The following CFAP46 variants were observed in gnomAD, a reference collection of about 807,000 sequenced individuals.
CFAP46 encodes cilia and flagella associated protein 46.
A neutral mutation model predicts 325.7 loss-of-function variants in CFAP46; 245 were observed. The observed-to-expected ratio is 0.75, with a 90% CI of 0.68 to 0.84. CFAP46 has a LOEUF of 0.84. CFAP46 is among the 40% of genes least tolerant of loss of function. The pLI is 0.00. For synonymous variants in CFAP46, 1,523 were observed against 1,495.9 expected (o/e 1.02, Z -0.42); for missense variants, 3,346 against 3,543.0 (o/e 0.94, Z 1.41).
chr10:132,823,778 G>A (rs1847954231), intron 50 of CFAP46, among the ~76,000 whole-genome samples: 1 of 121,020 alleles, frequency 8.3e-6, no homozygotes, highest in Non-Finnish European at 1.9e-5. Context: ...TGTGTGCTGT[G>A]TGTGCACTGA....
chr10:132,897,858 T>C (rs1457103053), intron 24 of CFAP46, among the ~76,000 whole-genome samples: 1 of 152,186 alleles, frequency 6.6e-6, no homozygotes, highest in Non-Finnish European at 1.5e-5. Flanking sequence ...TGGGGTGGGC[T>C]GGACAGCCCA....
intron 8 of CFAP46, among the ~76,000 whole-genome samples, chr10:132,933,036 C>G (rs970792502): frequency 4.6e-5 from 7 of 152,224 alleles, no homozygotes; most frequent in African/African-American, 1.7e-4. Context: ...CTGCTGTTTC[C>G]CGGGGAGTAA....
chr10:132,834,146 G>A (rs367740734), intron 48 of CFAP46, 23 bp from the exon 49 acceptor site: 101 of 1,611,148 alleles, frequency 6.3e-5, no homozygotes, highest in Admixed American at 1.0e-4. Context: ...TTATATATTC[G>A]GGTTTAAGAA....
Position 132,926,662 on chromosome 10 carries a change from G to C in CFAP46, c.971C>G (p.Pro324Arg). 1 of 1,535,306 alleles carries C rather than the reference G, an allele frequency of 6.5e-7. No homozygotes were observed. The highest frequency in any genetic ancestry group is 8.7e-7 in the Non-Finnish European group (1 of 1,146,076). Residue 324 changes from proline (P) to arginine (R), a missense_variant, in exon 10 of 58, where the codon CCT (proline) becomes CGT (arginine). By Grantham distance (103) the Pro-to-Arg change is moderately radical. Transcript: ENST00000368586. ...ACATTCCATTTCAATAAGCTTCCCA[G>C]GATCCTGCAGATATAAACAGTTTTT... ...SDLKKMESKD[P>R]GKLIEMECLE...
chr10:132,900,254 C>T (rs1849375329), intron 22 of CFAP46, among the ~76,000 whole-genome samples: 1 of 152,190 alleles, frequency 6.6e-6, no homozygotes, highest in African/African-American at 2.4e-5. Context: ...GAAGTCTGGC[C>T]CCAGAAGGTC....
chr10:132,867,051 C>T (rs941492102), intron 34 of CFAP46, among the ~76,000 whole-genome samples: 12 of 152,144 alleles, frequency 7.9e-5, no homozygotes, highest in South Asian at 2.1e-4. Flanking sequence ...CCAGGGCCCA[C>T]GGGAGGAGAA....
intron 22 of CFAP46, among the ~76,000 whole-genome samples, chr10:132,903,947 T>A: frequency 6.6e-6 from 1 of 152,218 alleles, no homozygotes; most frequent in South Asian, 2.1e-4. Flanking sequence ...ATAGCATAAA[T>A]GCGAAACTGA....
chr10:132,881,843 C>G (rs754276865), intron 27 of CFAP46, among the ~76,000 whole-genome samples: 71 of 152,266 alleles, frequency 4.7e-4, no homozygotes, highest in Non-Finnish European at 8.4e-4. Context: ...TCTCTGAGCG[C>G]TGGCCCATGC....
At chr10:132,810,666 C>T (rs1415728030) in intron 56 of CFAP46, 177 bp from the exon 57 acceptor site, 12 of 741,172 alleles carry the variant, frequency 1.6e-5, no homozygotes, top group Non-Finnish European at 2.9e-5. Flanking sequence ...TTGACGCCCA[C>T]CAGGCTCAGC....
rs377382382 is a variant in CFAP46 at position 132,889,873 on chromosome 10, G to T, written c.3304+2460C>A. On this transcript the variant is annotated intron_variant, in intron 25 of 57. Transcript: ENST00000368586. The surrounding 1 kb of genome is among the most constrained non-coding windows in gnomAD (Gnocchi z 6.0). ...TCCCGCCTGATTAAAGTATTGATGC[G>T]GCCTGGACGCTAAGCATTTAGCTGC... Among the ~76,000 whole-genome samples, 203 of 152,268 alleles carry T rather than the reference G, an allele frequency of 1.3e-3. 2 individuals are homozygous for T. The highest frequency in any genetic ancestry group is 4.7e-3 in the African/African-American group (194 of 41,556).
Position 132,866,315 on chromosome 10 carries a change from G to A in CFAP46, c.4744-144C>T, listed in dbSNP as rs950401293. 2.0e-5 allele frequency: 18 copies of A among 883,654 alleles called. No homozygotes were observed. In the African/African-American group the frequency reaches 2.6e-4, roughly 13 times the overall value. The allele number at this position is 883,654 out of a possible 1,614,324, so 54.7% of individuals were successfully genotyped here. On this transcript the variant is annotated intron_variant, in intron 34 of 57. Transcript: ENST00000368586. ...GGCTCCCTGCTGGCCTAGGCACCAT[G>A]GGCGCCTCGCAAGCTCCCCGTGTGC...
rs769287562 is a variant in CFAP46 at position 132,883,028 on chromosome 10, CAG to C, written c.3628-1998_3628-1997del. Among the ~76,000 whole-genome samples, 30 of 152,270 alleles carry C rather than the reference CAG, an allele frequency of 2.0e-4. 1 individual carries two copies. The highest frequency in any genetic ancestry group is 1.4e-3 in the East Asian group (7 of 5,180). ...TACAACCATAAAACTCAGAAGAAAACAGGGGAACCAACCTTCAAGACCTTGGG... is the reference window on the plus strand; with the variant it reads ...TACAACCATAAAACTCAGAAGAAAACGGGAACCAACCTTCAAGACCTTGGG... On this transcript the variant is annotated intron_variant, in intron 27 of 57. Transcript: ENST00000368586.
In CFAP46 at chr10:132,836,229, G is replaced by A. The variant is rs1418494045; in HGVS notation, c.6537-11C>T. On this transcript the variant is annotated splice_polypyrimidine_tract_variant and intron_variant, in intron 45 of 57. Transcript: ENST00000368586. ...CCGTACAGACGGGACCTGCTGGCAG[G>A]ACGTGGGCCAGGGTCGCAGGCAAGC... The A allele has an allele frequency of 2.5e-6, 4 of 1,611,068 alleles. No individual in the cohort carries two copies. Among genetic ancestry groups the A allele is most frequent in the Non-Finnish European group, 3.4e-6 (4 of 1,179,582 alleles).
Position 132,810,986 on chromosome 10 carries a change from C to T in CFAP46, c.7547G>A (p.Ser2516Asn), listed in dbSNP as rs759664203. ...CACGCTCTCCATGTGCCTCTTCAAG[C>T]TCTGGTAGGACCGCGCCAGGTCCAG... ...VLLDLARSYQ[S>N]LKRHMESVEH... Residue 2516 changes from serine to asparagine, a missense_variant, in exon 56 of 58, where the codon AGC becomes AAC. Coordinates refer to ENST00000368586, the MANE Select transcript of CFAP46 (RefSeq NM_001200049.3). 1.4e-5 allele frequency: 23 copies of T among 1,608,114 alleles called. No individual in the cohort carries two copies. Among genetic ancestry groups the T allele is most frequent in the Non-Finnish European group, 2.0e-5 (23 of 1,177,486 alleles).
chr10:132,941,307 G>A (rs567567591), intron 3 of CFAP46, among the ~76,000 whole-genome samples: 5 of 152,308 alleles, frequency 3.3e-5, no homozygotes, highest in South Asian at 2.1e-4. Context: ...CAGCACGCCC[G>A]CCCCACCCCA....
Position 132,924,839 on chromosome 10 carries a change from G to T in CFAP46, c.1113C>A (p.Ala371=), listed in dbSNP as rs571453045. Residue 371 remains alanine, a synonymous_variant, in exon 11 of 58, where the codon GCC becomes GCA. Transcript: ENST00000368586. The part of the protein sequence containing the change: ...IQRLDVALQR[A]VRLGDPRVIH... ...TGACCCGGGGGTCGCCCAGGCGCAC[G>T]GCTCGCTGCAGCGCGACGTCTAGCC... The T allele has an allele frequency of 3.5e-6, 5 of 1,440,042 alleles. No homozygotes were observed. In the African/African-American group the frequency reaches 7.4e-5, roughly 21 times the overall value. The allele number at this position is 1,440,042 out of a possible 1,614,324, so 89.2% of individuals were successfully genotyped here.
intron 19 of CFAP46, among the ~76,000 whole-genome samples, chr10:132,911,458 C>T (rs948075509): frequency 6.6e-5 from 10 of 152,208 alleles, no homozygotes; most frequent in African/African-American, 2.2e-4. Flanking sequence ...ACAGCTCCCC[C>T]GCCCCGTGCC....
intron 56 of CFAP46, 145 bp downstream of exon 56, chr10:132,810,805 C>A (rs1847565488): frequency 1.2e-6 from 1 of 814,268 alleles, no homozygotes; most frequent in African/African-American, 1.7e-5. Context: ...ACCTCGCCAA[C>A]TGCTGGAACG....
At chr10:132,822,214 ATGTGTGCTGTGTGCGGTGATGTGTGCTG>A (rs1847867146) in intron 50 of CFAP46, among the ~76,000 whole-genome samples, 2 of 98,244 alleles carry the variant, frequency 2.0e-5, no homozygotes, top group Non-Finnish European at 3.8e-5. Context: ...GTGTGTGCTG[ATGTGTGCTGTGTGCGGTGATGTGTGCTG>A]TGTGTGCGCT....
Sources: gnomAD v4.1 joint callset for allele counts (sites outside exome capture counted in the v4.1 genomes callset) on GRCh38, gnomAD v4.1.1 for gene constraint, Gnocchi (gnomAD v3.1) non-coding constraint, MANE v1.5 for transcripts, NCBI Gene and HGNC (gene_info 2026-07-23, HGNC 2026-07-21) for gene names.